Variants in NBPF10 observed in about 807,000 individuals in gnomAD.
NBPF10 encodes the protein NBPF member 10, also known as NBPF family member NBPF10.
NBPF10 carries 63 observed loss-of-function variants against 77.9 expected under a neutral mutation model. The ratio of observed to expected loss-of-function variants is 0.81; its 90% confidence interval spans 0.66 to 1.00. The LOEUF is 1.00. Among genes scored for constraint, NBPF10 ranks in the 50% least tolerant of loss-of-function variants. The probability of loss-of-function intolerance (pLI) is 0.00; values close to 1 mark genes in which losing one functional copy is unlikely to be tolerated. For synonymous variants in NBPF10, 146 were observed against 264.5 expected (o/e 0.55, Z 4.35); for missense variants, 522 against 679.8 (o/e 0.77, Z 2.58).
At chr1:146,126,201 G>A (rs587700692) in intron 14 of NBPF10, 35 bp downstream of exon 14, 18 of 1,247,236 alleles carry the variant, frequency 1.4e-5, no homozygotes, top group Non-Finnish European at 1.5e-5. Context: ...AGAAGACTCA[G>A]TGGATCCTTA....
chr1:146,143,209 A>G (rs1469886852), intron 1 of NBPF10, among the ~76,000 whole-genome samples: 1 of 103,240 alleles, frequency 9.7e-6, no homozygotes, highest in African/African-American at 2.8e-5. Context: ...GACTTTAAAA[A>G]TATTTCACTT....
intron 71 of NBPF10, among the ~76,000 whole-genome samples, 184 bp from the exon 72 acceptor site, chr1:146,080,961 A>G (rs1553781469): frequency 2.8e-5 from 2 of 71,636 alleles, no homozygotes; most frequent in Non-Finnish European, 3.9e-5. Flanking sequence ...AGAATGAAAG[A>G]GAAAGACAGA....
intron 14 of NBPF10, among the ~76,000 whole-genome samples, chr1:146,125,778 C>T (rs1274075572): frequency 2.1e-5 from 3 of 144,902 alleles, no homozygotes; most frequent in Admixed American, 2.1e-4. Context: ...AATGGTTATG[C>T]CATATTTTTC....
intron 15 of NBPF10, among the ~76,000 whole-genome samples, chr1:146,125,098 G>T (rs1173221586): frequency 1.6e-5 from 1 of 61,188 alleles, no homozygotes; most frequent in East Asian, 3.3e-4. Flanking sequence ...AGTGAGCTCA[G>T]CGAGTTGGCC....
intron 19 of NBPF10, among the ~76,000 whole-genome samples, chr1:146,121,943 T>G (rs1658227589): frequency 1.5e-5 from 2 of 137,840 alleles, no homozygotes; most frequent in African/African-American, 5.8e-5. Flanking sequence ...GGTAAGGGAG[T>G]CAAAGGACAC....
At chr1:146,114,869 C>A in intron 28 of NBPF10, among the ~76,000 whole-genome samples, 1 of 33,308 alleles carries the variant, frequency 3.0e-5, no homozygotes, top group Non-Finnish European at 6.7e-5. Context: ...AAATGCCCAG[C>A]TCGTTCATGG....
At chr1:146,126,112 G>A (rs1553789791) in intron 14 of NBPF10, 124 bp downstream of exon 14, 7 of 712,406 alleles carry the variant, frequency 9.8e-6, no homozygotes, top group Admixed American at 2.1e-5. Flanking sequence ...CAACCTACAT[G>A]TGCCTATAGG....
rs587741942 is a variant in NBPF10 at position 146,125,700 on chromosome 1, A to T, written c.2027-184T>A. On this transcript the variant is annotated intron_variant, in intron 14 of 89. Coordinates refer to ENST00000583866, the Ensembl canonical transcript of NBPF10. ...AGAGATTCCTTGGTTTTTGTCCCAG[A>T]AACTGTGGGTAAAATTCCCTATTCT... Among the ~76,000 whole-genome samples, 4 of 131,582 alleles carry T rather than the reference A, an allele frequency of 3.0e-5. No homozygotes were observed. The South Asian group carries it at 9.6e-4, about 31-fold the overall frequency. 86.3% of individuals were successfully genotyped at this position (131,582 alleles called of 152,430 possible).
At chr1:146,125,974 T>C (rs61816395) in intron 14 of NBPF10, among the ~76,000 whole-genome samples, 77,543 of 151,242 alleles carry the variant, frequency 0.51, 21,442 homozygotes, top group African/African-American at 0.67. Context: ...GAATTTGTCA[T>C]ATCTGCCCAG....
chr1:146,125,208 C>G (rs2102162450), intron 15 of NBPF10, among the ~76,000 whole-genome samples: 1 of 15,736 alleles, frequency 6.4e-5, no homozygotes, highest in East Asian at 1.1e-3. Context: ...CAATAATTTT[C>G]CATAAACTTG....
intron 14 of NBPF10, 100 bp from the exon 15 acceptor site, chr1:146,125,616 G>A: frequency 1.9e-6 from 1 of 527,522 alleles, no homozygotes; most frequent in Non-Finnish European, 3.4e-6. Flanking sequence ...AGGCTCCTCA[G>A]CATGAGAATA....
At chr1:146,067,831 C>A (rs1655324835) in intron 88 of NBPF10, among the ~76,000 whole-genome samples, 172 bp downstream of exon 88, 4 of 152,024 alleles carry the variant, frequency 2.6e-5, no homozygotes, top group South Asian at 4.2e-4. Context: ...TGAACCATTT[C>A]ATGTCTAGGC....
chr1:146,142,479 G>A (rs1476342094), intron 2 of NBPF10, among the ~76,000 whole-genome samples, 171 bp downstream of exon 2: 1 of 131,418 alleles, frequency 7.6e-6, no homozygotes, highest in Non-Finnish European at 1.8e-5. Context: ...CTGCAACACA[G>A]AACTTATTAT....
At chr1:146,134,162 C>T in intron 9 of NBPF10, 31 bp downstream of exon 9, 6 of 1,406,434 alleles carry the variant, frequency 4.3e-6, no homozygotes, top group Non-Finnish European at 5.8e-6. Context: ...ATGTTACCAT[C>T]CATTAATTGT....
At chr1:146,125,397 G>T in intron 15 of NBPF10, 68 bp downstream of exon 15, 1 of 271,774 alleles carries the variant, frequency 3.7e-6, no homozygotes. Context: ...ACACACTCTT[G>T]TTTTCCCTGG....
intron 7 of NBPF10, among the ~76,000 whole-genome samples, chr1:146,135,973 AT>A (rs1223403861): frequency 2.0e-5 from 3 of 149,634 alleles, no homozygotes; most frequent in Non-Finnish European, 3.0e-5. Flanking sequence ...GGCAACATTG[AT>A]TGAGTGAAAG....
intron 17 of NBPF10, among the ~76,000 whole-genome samples, 197 bp from the exon 18 acceptor site, chr1:146,123,475 G>GACAA (rs1490392587): frequency 3.0e-5 from 1 of 33,672 alleles, no homozygotes; most frequent in Non-Finnish European, 6.3e-5. Context: ...AAGACAGATA[G>GACAA]ACACACACAC....
intron 88 of NBPF10, 149 bp downstream of exon 88, chr1:146,067,854 C>G: frequency 2.9e-6 from 2 of 699,230 alleles, no homozygotes; most frequent in East Asian, 2.7e-5. Flanking sequence ...CCAGCTGAGA[C>G]TACAGTTTCA....
chr1:146,067,881 C>T (rs587633831), intron 88 of NBPF10, 122 bp downstream of exon 88: 4 of 697,494 alleles, frequency 5.7e-6, no homozygotes, highest in East Asian at 2.7e-5. Context: ...CCTATATGCG[C>T]CCATAGGTCC....
Sources: allele counts gnomAD v4.1 joint callset (sites outside exome capture counted in the v4.1 genomes callset), GRCh38; gene constraint gnomAD v4.1.1; transcripts MANE v1.5; gene names NCBI Gene and HGNC (gene_info 2026-07-23, HGNC 2026-07-21).